The following HLF variants were observed in gnomAD, a reference collection of about 807,000 sequenced individuals.
HLF encodes the protein hepatic leukemia factor.
HLF carries 3 observed loss-of-function variants against 22.6 expected under a neutral mutation model. That is an observed-to-expected ratio of 0.13 (90% CI 0.06 to 0.34). The LOEUF is 0.34. Ranked by LOEUF, HLF falls within the 10% of genes least tolerant of loss-of-function variation. HLF has a pLI of 1.00. For synonymous variants in HLF, 151 were observed against 151.8 expected (o/e 0.99, Z 0.04); for missense variants, 299 against 389.2 (o/e 0.77, Z 1.95).
chr17:55,321,197 C>G lies in HLF; in HGVS notation c.*318C>G, dbSNP rs1905250998. On this transcript the variant is annotated 3_prime_UTR_variant, in exon 4 of 4. Transcript: ENST00000226067. ...GAGCCCTCTCGCGGGTCTCCCATCC[C>G]CTCCCTCCTTCACTCCTGCCTCCTC... The G allele has an allele frequency of 3.2e-6, 1 of 309,428 alleles. No individual in the cohort carries two copies. The highest frequency in any genetic ancestry group is 4.5e-5 in the Admixed American group (1 of 22,042). 19.2% of individuals were successfully genotyped at this position (309,428 alleles called of 1,614,324 possible).
chr17:55,316,949 T>A (rs1465589003), intron 3 of HLF, among the ~76,000 whole-genome samples: 1 of 148,408 alleles, frequency 6.7e-6, no homozygotes, highest in African/African-American at 2.5e-5. Context: ...TTCTTAGTGA[T>A]CCAATTTTTT....
intron 1 of HLF, chr17:55,266,918 C>G: frequency 2.1e-6 from 1 of 482,416 alleles, no homozygotes. Context: ...TCCAATAGCT[C>G]TGCTTTTGAA....
chr17:55,317,829 G>A (rs1905128656), intron 3 of HLF, among the ~76,000 whole-genome samples: 1 of 152,212 alleles, frequency 6.6e-6, no homozygotes, highest in African/African-American at 2.4e-5. Flanking sequence ...ATTAGGGTTA[G>A]CATGCATGCG....
chr17:55,292,684 G>T (rs574287187), intron 2 of HLF, among the ~76,000 whole-genome samples: 18 of 152,164 alleles, frequency 1.2e-4, no homozygotes, highest in African/African-American at 4.3e-4. Flanking sequence ...AAGAGATACC[G>T]GCATTCCATG....
chr17:55,286,394 T>C (rs1260989658), intron 2 of HLF, among the ~76,000 whole-genome samples: 3 of 152,092 alleles, frequency 2.0e-5, no homozygotes, highest in African/African-American at 4.8e-5. Flanking sequence ...TGTTTTGCCT[T>C]CAGTAAAACA....
At position 55,325,118 on chromosome 17, in the gene HLF, C is replaced by T. The variant is rs1053929816; in HGVS notation, c.*4239C>T. ...TAGCAATGGTATTCTGTTCCCACCT[C>T]GGTAGCAAAGAGACCATTTGTAGAG... On this transcript the variant is annotated 3_prime_UTR_variant, in exon 4 of 4. Transcript: ENST00000226067. 2 of 189,572 alleles carry T rather than the reference C, an allele frequency of 1.1e-5. No homozygotes were observed. Among genetic ancestry groups the T allele is most frequent in the Non-Finnish European group, 2.2e-5 (2 of 90,122 alleles). 11.7% of individuals were successfully genotyped at this position (189,572 alleles called of 1,614,324 possible). A position where few individuals can be genotyped will look rare whatever the true frequency, so the allele number is the denominator to read the frequency against.
At chr17:55,274,396 C>T (rs1437951616) in intron 2 of HLF, among the ~76,000 whole-genome samples, 3 of 152,152 alleles carry the variant, frequency 2.0e-5, no homozygotes, top group Non-Finnish European at 4.4e-5. Context: ...ATATTGGTCA[C>T]AGCTAATATT....
intron 2 of HLF, among the ~76,000 whole-genome samples, chr17:55,278,629 T>C (rs973559837): frequency 3.9e-5 from 6 of 152,180 alleles, no homozygotes; most frequent in South Asian, 2.1e-4. Context: ...CATCTAGATA[T>C]GCAGTAATCA....
Position 55,321,096 on chromosome 17 carries a change from C to G in HLF, c.*217C>G. 1.9e-6 allele frequency: 1 copy of G among 522,276 alleles called. No homozygotes were observed. Among genetic ancestry groups the G allele is most frequent in the Non-Finnish European group, 3.4e-6 (1 of 290,620 alleles). The allele number at this position is 522,276 out of a possible 1,614,324, so 32.4% of individuals were successfully genotyped here. A position where few individuals can be genotyped will look rare whatever the true frequency, so the allele number is the denominator to read the frequency against. On this transcript the variant is annotated 3_prime_UTR_variant, in exon 4 of 4. Coordinates refer to ENST00000226067, the MANE Select transcript of HLF (RefSeq NM_002126.5). ...ATGTGCGTGTGCGTGTTCCTTTGCT[C>G]TTGCCATTTTAAGGTAGCCCTCTCA...
At chr17:55,313,360 G>A (rs1442908062) in intron 2 of HLF, among the ~76,000 whole-genome samples, 1 of 41,798 alleles carries the variant, frequency 2.4e-5, no homozygotes, top group Non-Finnish European at 6.4e-5. Flanking sequence ...AGGTGTGTGC[G>A]TGTGTGTGTG....
intron 2 of HLF, among the ~76,000 whole-genome samples, chr17:55,306,807 ATTCT>A (rs1353729500): frequency 2.1e-5 from 3 of 146,252 alleles, no homozygotes; most frequent in African/African-American, 7.6e-5. Context: ...ACCTTTCTTT[ATTCT>A]TTCTTTATTT....
chr17:55,305,556 G>A (rs553830468), intron 2 of HLF, among the ~76,000 whole-genome samples: 9 of 152,320 alleles, frequency 5.9e-5, no homozygotes, highest in Non-Finnish European at 1.0e-4. Flanking sequence ...CAGAAAGAGC[G>A]TGGGCTATGG....
At chr17:55,309,269 C>T (rs995259333) in intron 2 of HLF, among the ~76,000 whole-genome samples, 1 of 152,124 alleles carries the variant, frequency 6.6e-6, no homozygotes, top group Admixed American at 6.5e-5. Flanking sequence ...GCCTGAGTCC[C>T]GAAAGCCCAT....
intron 2 of HLF, among the ~76,000 whole-genome samples, chr17:55,313,643 G>T (rs902042392): frequency 6.6e-6 from 1 of 152,042 alleles, no homozygotes; most frequent in Non-Finnish European, 1.5e-5. Context: ...ATCCCCATTT[G>T]AATCACAGGT....
rs141265051 is a variant in HLF, at chr17:55,266,595, AC to A, written c.115+1000del. 2.2e-3 allele frequency among the ~76,000 whole-genome samples: 331 copies of A among 152,176 alleles called. 2 individuals are homozygous for A. Among genetic ancestry groups the A allele is most frequent in the African/African-American group, 7.6e-3 (316 of 41,506 alleles). On this transcript the variant is annotated intron_variant, in intron 1 of 3. Transcript: ENST00000226067. ...TGCAATCTGCAGATGATAGCCAGGGACCCCTCCCTAACTATCCTTTAAGGAA... is the reference window on the plus strand; with the variant it reads ...TGCAATCTGCAGATGATAGCCAGGGACCCTCCCTAACTATCCTTTAAGGAA...
chr17:55,285,851 G>A (rs920301422), intron 2 of HLF, among the ~76,000 whole-genome samples: 4 of 152,306 alleles, frequency 2.6e-5, no homozygotes, highest in Non-Finnish European at 4.4e-5. Context: ...TATGAGTGTC[G>A]AGAGATAGGA....
chr17:55,271,615 C>T (rs1479878825), intron 2 of HLF: 2 of 152,208 alleles, frequency 1.3e-5, no homozygotes, highest in African/African-American at 4.8e-5. Context: ...CTGCAACCTC[C>T]ACCTCCGGGG....
chr17:55,314,144 CAG>C (rs1367484335), intron 2 of HLF, among the ~76,000 whole-genome samples: 1 of 152,142 alleles, frequency 6.6e-6, no homozygotes, highest in Admixed American at 6.5e-5. Context: ...AGTTAAAATT[CAG>C]AGCTCCCAGT....
At chr17:55,278,052 A>G (rs552902310) in intron 2 of HLF, among the ~76,000 whole-genome samples, 2 of 152,300 alleles carry the variant, frequency 1.3e-5, no homozygotes, top group Non-Finnish European at 2.9e-5. Context: ...AGGGTTCGTA[A>G]AAGTTTCGTT....
Sources: allele counts gnomAD v4.1 joint callset (sites outside exome capture counted in the v4.1 genomes callset), GRCh38; gene constraint gnomAD v4.1.1; transcripts MANE v1.5; gene names NCBI Gene and HGNC (gene_info 2026-07-23, HGNC 2026-07-21).